ZNF236: variants seen among roughly 807,000 people sequenced by gnomAD.
ZNF236 encodes the protein regulated by glucose.
A neutral mutation model predicts 191.2 loss-of-function variants in ZNF236; 50 were observed. That is an observed-to-expected ratio of 0.26 (90% CI 0.21 to 0.33). ZNF236 has a LOEUF of 0.33. Ranked by LOEUF, ZNF236 falls within the 10% of genes least tolerant of loss-of-function variation. ZNF236 has a pLI of 1.00. For missense variants in ZNF236, 1,754 were observed against 2,374.5 expected (o/e 0.74, Z 5.43); for synonymous variants, 907 against 928.8 (o/e 0.98, Z 0.43).
chr18:76,877,778 A>G (rs1371789875), intron 6 of ZNF236, among the ~76,000 whole-genome samples: 3 of 152,210 alleles, frequency 2.0e-5, no homozygotes, highest in African/African-American at 4.8e-5. Flanking sequence ...AATAATTTCT[A>G]TTTTATAGAA....
chr18:76,840,805 G>GTGTGTGTGTA (rs1975467217), intron 1 of ZNF236: 3 of 132,814 alleles, frequency 2.3e-5, no homozygotes, highest in Non-Finnish European at 5.1e-5. Context: ...GTGTGTGTGT[G>GTGTGTGTGTA]TGTGTTTTCT....
At position 76,902,993 on chromosome 18, in the gene ZNF236, C is replaced by A. The variant is rs531025699; in HGVS notation, c.1895-1387C>A. Reference sequence around the variant, plus strand: ...GCTGCCTGGAGCGAGGTCTTTGATACAGCTCTGATTGTCCAGAAGGCTTGT... The same window carrying A: ...GCTGCCTGGAGCGAGGTCTTTGATAAAGCTCTGATTGTCCAGAAGGCTTGT... On this transcript the variant is annotated intron_variant, in intron 11 of 30. Transcript: ENST00000320610. Among the ~76,000 whole-genome samples, 17 of 152,258 alleles carry A rather than the reference C, an allele frequency of 1.1e-4. No homozygotes were observed. The South Asian group carries it at 3.5e-3, about 32-fold the overall frequency.
chr18:76,918,523 C>T (rs527565988), intron 19 of ZNF236, among the ~76,000 whole-genome samples: 1 of 152,184 alleles, frequency 6.6e-6, no homozygotes, highest in Non-Finnish European at 1.5e-5. Flanking sequence ...CTCCTGGGAT[C>T]AAGCAATCCT....
At chr18:76,928,152 G>A in intron 25 of ZNF236, 46 bp downstream of exon 25, 1 of 1,492,120 alleles carries the variant, frequency 6.7e-7, no homozygotes, top group Non-Finnish European at 9.1e-7. Flanking sequence ...TGCAATTTAA[G>A]TACTGTATAT....
At position 76,877,689 on chromosome 18, in the gene ZNF236, A is replaced by C. The variant is rs1441348827; in HGVS notation, c.841-320A>C. Among the ~76,000 whole-genome samples, 3 of 152,196 alleles carry C rather than the reference A, an allele frequency of 2.0e-5. 1 individual carries two copies. The highest frequency in any genetic ancestry group is 2.0e-4 in the Admixed American group (3 of 15,284). Reference sequence around the variant, plus strand: ...ATTGAACATTGTATTCAACTGTTTAAAAAACTGAGAATATCTTATGCCTGA... The same window carrying C: ...ATTGAACATTGTATTCAACTGTTTACAAAACTGAGAATATCTTATGCCTGA... On this transcript the variant is annotated intron_variant, in intron 6 of 30. Transcript: ENST00000320610.
chr18:76,909,984 G>T, intron 14 of ZNF236, 84 bp from the exon 15 acceptor site: 2 of 984,372 alleles, frequency 2.0e-6, no homozygotes, highest in Non-Finnish European at 3.1e-6. Flanking sequence ...TTGAAAACTC[G>T]CCGAAGTGTA....
At position 76,925,625 on chromosome 18, in the gene ZNF236, C is replaced by A; in HGVS notation, c.4027+71C>A. The A allele has an allele frequency of 1.3e-6, 2 of 1,535,490 alleles. No individual in the cohort carries two copies. The highest frequency in any genetic ancestry group is 2.3e-5 in the East Asian group (1 of 43,956). ...GTTCTGTGCTGCTTCTGTCTGTTCC[C>A]ACGACAGAAGAGATGTTGTTTACCG... On this transcript the variant is annotated intron_variant, in intron 22 of 30. Coordinates refer to ENST00000320610, the MANE Select transcript of ZNF236 (RefSeq NM_001306089.2). This position sits in a 1 kb window ranked among gnomAD's most constrained non-coding sequence, Gnocchi z 5.7.
chr18:76,916,891 A>G (rs1599391695), intron 19 of ZNF236, among the ~76,000 whole-genome samples: 1 of 152,200 alleles, frequency 6.6e-6, no homozygotes, highest in Admixed American at 6.5e-5. Flanking sequence ...CTGGTGGCCC[A>G]TCATCCTCTC....
chr18:76,942,022 C>G (rs1310151803), intron 26 of ZNF236, among the ~76,000 whole-genome samples: 4 of 152,148 alleles, frequency 2.6e-5, no homozygotes, highest in Non-Finnish European at 4.4e-5. Flanking sequence ...ATTAATGAAC[C>G]TACAAGAAAA....
In ZNF236 at chr18:76,875,722, G is replaced by C; in HGVS notation, c.840+58G>C. The C allele has an allele frequency of 7.4e-7, 1 of 1,348,302 alleles. No individual in the cohort carries two copies. Among genetic ancestry groups the C allele is most frequent in the Non-Finnish European group, 9.6e-7 (1 of 1,037,848 alleles). 83.5% of individuals were successfully genotyped at this position (1,348,302 alleles called of 1,614,324 possible). On this transcript the variant is annotated intron_variant, in intron 6 of 30. Transcript: ENST00000320610. This position sits in a 1 kb window ranked among gnomAD's most constrained non-coding sequence, Gnocchi z 4.3. The stretch of plus-strand genomic sequence containing the variant: ...CACAGGGGACAGTAGGTATCTTTTG[G>C]GTTAATAAACGGACCTGAGAAATTC...
intron 30 of ZNF236, among the ~76,000 whole-genome samples, chr18:76,966,752 G>A (rs1271226207): frequency 6.6e-6 from 1 of 152,192 alleles, no homozygotes; most frequent in Non-Finnish European, 1.5e-5. Flanking sequence ...GGATATTGGG[G>A]TGTGATCCTA....
Position 76,925,412 on chromosome 18 carries a change from G to A in ZNF236, c.3885G>A (p.Leu1295=), listed in dbSNP as rs1482320765. Residue 1295 remains leucine (L), a synonymous_variant, in exon 22 of 31, where the codon CTG becomes CTA. Coordinates refer to ENST00000320610, the MANE Select transcript of ZNF236 (RefSeq NM_001306089.2). The surrounding 1 kb of genome is among the most constrained non-coding windows in gnomAD (Gnocchi z 5.7). ...TGACTCGAAGCTCATCGGAAGGACT[G>A]CAGCCTGTAAACCTCCTCAACTCCT... ...KPMTRSSSEG[L]QPVNLLNSSS... is the part of the protein sequence containing the mutation. 3 of 1,614,102 alleles carry A rather than the reference G, an allele frequency of 1.9e-6. No individual in the cohort carries two copies. The highest frequency in any genetic ancestry group is 1.3e-5 in the African/African-American group (1 of 74,944).
intron 14 of ZNF236, among the ~76,000 whole-genome samples, chr18:76,909,268 T>C (rs916094458): frequency 3.6e-5 from 5 of 140,388 alleles, no homozygotes; most frequent in African/African-American, 1.3e-4. Flanking sequence ...TGAGCCGAGA[T>C]GGCGCCATTG....
intron 1 of ZNF236, among the ~76,000 whole-genome samples, chr18:76,843,605 G>A (rs542609225): frequency 9.4e-5 from 14 of 149,614 alleles, no homozygotes; most frequent in Non-Finnish European, 1.5e-4. Context: ...GTGAAACCCC[G>A]TCTCTACTAA....
rs1968882263 is a variant in ZNF236 at position 76,969,983 on chromosome 18, A to G, written c.*1644A>G. The G allele has an allele frequency of 6.6e-6, 1 of 152,630 alleles. No homozygotes were observed. Among genetic ancestry groups the G allele is most frequent in the South Asian group, 2.1e-4 (1 of 4,832 alleles). The allele number at this position is 152,630 out of a possible 1,614,324, so 9.5% of individuals were successfully genotyped here. On this transcript the variant is annotated 3_prime_UTR_variant, in exon 31 of 31. Transcript: ENST00000320610. ...GCCTTATTTGACTTATGCTTGTGAT[A>G]CTGGACTTCTTACCAATCCGGAGGT...
At chr18:76,916,086 G>A (rs984474019) in intron 19 of ZNF236, among the ~76,000 whole-genome samples, 1 of 152,182 alleles carries the variant, frequency 6.6e-6, no homozygotes, top group Non-Finnish European at 1.5e-5. Flanking sequence ...ATCACCACGC[G>A]CTGAATTGGC....
chr18:76,864,073 G>A lies in ZNF236; in HGVS notation c.364-4612G>A, dbSNP rs1049190241. On this transcript the variant is annotated intron_variant, in intron 3 of 30. Coordinates refer to ENST00000320610, the MANE Select transcript of ZNF236 (RefSeq NM_001306089.2). Reference sequence around the variant, plus strand: ...TTCCCCAAGTGAGAGGGATTCTCCCGCAGACGGCCTTTGGTTGTCACTTAC... The same window carrying A: ...TTCCCCAAGTGAGAGGGATTCTCCCACAGACGGCCTTTGGTTGTCACTTAC... Among the ~76,000 whole-genome samples the A allele has an allele frequency of 4.6e-5, 7 of 152,244 alleles. 1 individual carries two copies. The highest frequency in any genetic ancestry group is 1.9e-4 in the East Asian group (1 of 5,180).
At chr18:76,937,921 G>A (rs1398070549) in intron 26 of ZNF236, among the ~76,000 whole-genome samples, 7 of 152,184 alleles carry the variant, frequency 4.6e-5, no homozygotes, top group Non-Finnish European at 1.5e-5. Flanking sequence ...TAGTTATAAT[G>A]AAGGTGAATT....
At chr18:76,854,966 C>A (rs1196632402) in intron 3 of ZNF236, among the ~76,000 whole-genome samples, 2 of 152,068 alleles carry the variant, frequency 1.3e-5, no homozygotes, top group Non-Finnish European at 2.9e-5. Flanking sequence ...TGTTCTGTCC[C>A]CCAGGTTGTA....
Sources: allele counts gnomAD v4.1 joint callset (sites outside exome capture counted in the v4.1 genomes callset), GRCh38; gene constraint gnomAD v4.1.1; non-coding constraint Gnocchi (gnomAD v3.1); transcripts MANE v1.5; gene names NCBI Gene and HGNC (gene_info 2026-07-23, HGNC 2026-07-21).